Variants in ALG1 observed in about 807,000 individuals in gnomAD.
ALG1 encodes chitobiosyldiphosphodolichol beta-mannosyltransferase.
Under a neutral mutation model 55.1 loss-of-function variants are expected in ALG1, and 58 were observed. The ratio of observed to expected loss-of-function variants is 1.05; its 90% confidence interval spans 0.85 to 1.31. The LOEUF (loss-of-function observed/expected upper bound fraction) is 1.31, where lower values mean the gene tolerates loss of function less well. ALG1 is among the 50% of genes most tolerant of loss of function. The pLI is 0.00. For missense variants in ALG1, 761 were observed against 598.6 expected (o/e 1.27, Z -2.83); for synonymous variants, 309 against 247.0 (o/e 1.25, Z -2.35).
At chr16:5,077,712 G>C (rs1318754268) in intron 5 of ALG1, among the ~76,000 whole-genome samples, 178 bp downstream of exon 5, 4 of 152,190 alleles carry the variant, frequency 2.6e-5, no homozygotes, top group African/African-American at 9.7e-5. Flanking sequence ...TTCTTTCTTA[G>C]CCAGCCAGGG....
At chr16:5,074,054 C>G (rs968690695) in intron 3 of ALG1, among the ~76,000 whole-genome samples, 1 of 152,006 alleles carries the variant, frequency 6.6e-6, no homozygotes, top group Admixed American at 6.6e-5. Flanking sequence ...ATCACTTTTT[C>G]TTTAAAAAAT....
chr16:5,082,096 C>A lies in ALG1; in HGVS notation c.1073-463C>A, dbSNP rs538778991. On this transcript the variant is annotated intron_variant, in intron 10 of 12. Coordinates refer to ENST00000262374, the MANE Select transcript of ALG1 (RefSeq NM_019109.5). The stretch of plus-strand genomic sequence containing the variant: ...TAGCTGTGACTACAGGCGCCTGCCA[C>A]GATGCTTGGCTAATTTTGTATTTTT... Among the ~76,000 whole-genome samples, 354 of 152,002 alleles carry A rather than the reference C, an allele frequency of 2.3e-3. 1 individual carries two copies. The highest frequency in any genetic ancestry group is 4.4e-3 in the Non-Finnish European group (298 of 68,008).
chr16:5,082,569 C>T lies in ALG1; in HGVS notation c.1083C>T (p.Asp361=). ...CCTCTTGCCTAGCAGGGTCGGCGGA[C>T]CTGGGTGTCTGTCTGCACACGTCCT... is the stretch of plus-strand genomic sequence containing the variant. The part of the protein sequence containing the change: ...EDYPLLLGSA[D]LGVCLHTSSS... The change falls in exon 11 of 13, where the codon GAC becomes GAT. Residue 361 remains aspartate (D), a synonymous_variant. Coordinates refer to ENST00000262374, the MANE Select transcript of ALG1 (RefSeq NM_019109.5). 1.9e-6 allele frequency: 3 copies of T among 1,612,008 alleles called. No individual in the cohort carries two copies. Among genetic ancestry groups the T allele is most frequent in the Non-Finnish European group, 2.5e-6 (3 of 1,179,858 alleles).
intron 1 of ALG1, among the ~76,000 whole-genome samples, chr16:5,072,655 T>G (rs1346159279): frequency 6.6e-6 from 1 of 152,174 alleles, no homozygotes; most frequent in Non-Finnish European, 1.5e-5. Flanking sequence ...GATGGCTCTG[T>G]GGTGGGAAAA....
At chr16:5,077,354 G>A (rs1369266896) in intron 4 of ALG1, 91 bp from the exon 5 acceptor site, 12 of 1,136,122 alleles carry the variant, frequency 1.1e-5, no homozygotes, top group Non-Finnish European at 1.3e-5. Flanking sequence ...CCAGCTCTGC[G>A]GCCTTTTCTC....
In ALG1 at chr16:5,087,085, A is replaced by C. The variant is rs1358428979; in HGVS notation, c.*2204A>C. The C allele has an allele frequency of 6.6e-6, 1 of 152,220 alleles. No individual in the cohort carries two copies. Among genetic ancestry groups the C allele is most frequent in the East Asian group, 1.9e-4 (1 of 5,200 alleles). 9.4% of individuals were successfully genotyped at this position (152,220 alleles called of 1,614,324 possible). A position where few individuals can be genotyped will look rare whatever the true frequency, so the allele number is the denominator to read the frequency against. ...AGAAATCTCTATAATCCTGCCATCC[A>C]AGGATGGCACCTGTTAATGTGTATA... On this transcript the variant is annotated 3_prime_UTR_variant, in exon 13 of 13. Transcript: ENST00000262374.
Position 5,085,032 on chromosome 16 carries a change from C to G in ALG1, c.*151C>G. On this transcript the variant is annotated 3_prime_UTR_variant, in exon 13 of 13. Coordinates refer to ENST00000262374, the MANE Select transcript of ALG1 (RefSeq NM_019109.5). Reference sequence around the variant, plus strand: ...GTACTGCCTGGTAAAAGAATTGGTTCTGTGACCCGGGAAGCTTTGGTTGGC... The same window carrying G: ...GTACTGCCTGGTAAAAGAATTGGTTGTGTGACCCGGGAAGCTTTGGTTGGC... 2 of 1,425,322 alleles carry G rather than the reference C, an allele frequency of 1.4e-6. No individual in the cohort carries two copies. Among genetic ancestry groups the G allele is most frequent in the Non-Finnish European group, 9.6e-7 (1 of 1,042,060 alleles). The allele number at this position is 1,425,322 out of a possible 1,614,324, so 88.3% of individuals were successfully genotyped here.
Position 5,077,862 on chromosome 16 carries a change from C to G in ALG1, c.630-45C>G, listed in dbSNP as rs1349707066. ...GCCTCTGAGTCCTCTGTTCCTGAGG[C>G]CTTTCTTCAGCCCTCCCAATAGCCC... On this transcript the variant is annotated intron_variant, in intron 5 of 12. Transcript: ENST00000262374. 52 of 1,566,960 alleles carry G rather than the reference C, an allele frequency of 3.3e-5. 1 individual carries two copies. The highest frequency in any genetic ancestry group is 4.3e-5 in the Non-Finnish European group (49 of 1,145,908).
At chr16:5,077,410 C>A (rs1231857566) in intron 4 of ALG1, 35 bp from the exon 5 acceptor site, 4 of 1,579,362 alleles carry the variant, frequency 2.5e-6, no homozygotes, top group Admixed American at 1.7e-5. Context: ...GGAGGCCTGT[C>A]TAGGGCTCTG....
intron 4 of ALG1, 70 bp from the exon 5 acceptor site, chr16:5,077,375 T>C: frequency 1.5e-6 from 2 of 1,325,704 alleles, no homozygotes; most frequent in Non-Finnish European, 2.2e-6. Flanking sequence ...TGTTGAGGGA[T>C]GTCGAGTCAC....
intron 10 of ALG1, among the ~76,000 whole-genome samples, chr16:5,081,402 G>A (rs1318182081): frequency 2.0e-5 from 3 of 152,212 alleles, no homozygotes; most frequent in Admixed American, 6.5e-5. Context: ...GTCAAACAGC[G>A]TCGCCTCTCC....
At chr16:5,072,504 C>A (rs910392222) in intron 1 of ALG1, among the ~76,000 whole-genome samples, 3 of 152,174 alleles carry the variant, frequency 2.0e-5, no homozygotes, top group Non-Finnish European at 4.4e-5. Context: ...GGTGTCTGCT[C>A]CCTCATTATT....
chr16:5,085,046 G>C lies in ALG1; in HGVS notation c.*165G>C, dbSNP rs910823463. On this transcript the variant is annotated 3_prime_UTR_variant, in exon 13 of 13. Coordinates refer to ENST00000262374, the MANE Select transcript of ALG1 (RefSeq NM_019109.5). ...AAGAATTGGTTCTGTGACCCGGGAA[G>C]CTTTGGTTGGCCTTGATTTCTTCTC... 3 of 1,310,286 alleles carry C rather than the reference G, an allele frequency of 2.3e-6. No homozygotes were observed. The African/African-American group carries it at 4.4e-5, about 19-fold the overall frequency. The allele number at this position is 1,310,286 out of a possible 1,614,324, so 81.2% of individuals were successfully genotyped here.
chr16:5,076,044 T>C (rs907105073), intron 4 of ALG1, among the ~76,000 whole-genome samples: 1 of 152,186 alleles, frequency 6.6e-6, no homozygotes, highest in Admixed American at 6.5e-5. Context: ...CCAGGGCTGC[T>C]GTTGGTAGCT....
At chr16:5,078,416 T>C in intron 6 of ALG1, 1 of 592,128 alleles carries the variant, frequency 1.7e-6, no homozygotes, top group Non-Finnish European at 3.1e-6. Flanking sequence ...GAGGGGACCT[T>C]TGTGCAGGTC....
intron 10 of ALG1, among the ~76,000 whole-genome samples, chr16:5,082,351 GT>G (rs1957030350): frequency 6.6e-6 from 1 of 152,310 alleles, no homozygotes; most frequent in Non-Finnish European, 1.5e-5. Flanking sequence ...CCAAATTGTG[GT>G]TACGTATAAA....
chr16:5,084,036 G>A (rs1366285115), intron 12 of ALG1, among the ~76,000 whole-genome samples: 1 of 152,240 alleles, frequency 6.6e-6, no homozygotes, highest in South Asian at 2.1e-4. Context: ...GGCTGCGGTT[G>A]AGGAAGTGAT....
chr16:5,076,596 T>C (rs571715672), intron 4 of ALG1, among the ~76,000 whole-genome samples: 29 of 152,268 alleles, frequency 1.9e-4, no homozygotes, highest in African/African-American at 5.8e-4. Context: ...CTGGCGGTGA[T>C]AAATAACCCA....
chr16:5,075,395 C>A lies in ALG1; in HGVS notation c.398C>A (p.Pro133Gln). The change falls in exon 4 of 13, where the codon CCA becomes CAA. Residue 133 changes from proline to glutamine, a missense_variant. Physicochemically the swap from Pro to Gln is moderately conservative, Grantham distance 76. Transcript: ENST00000262374. ...PGAYIFLQNPPGLPSIAVCWF... is the reference protein window; with the variant it reads ...PGAYIFLQNPQGLPSIAVCWF... ...AGTCTCTATCTTTCCTAGAACCCCC[C>A]AGGTCTGCCTAGCATTGCTGTCTGC... 6.2e-7 allele frequency: 1 copy of A among 1,614,144 alleles called. No individual in the cohort carries two copies. Among genetic ancestry groups the A allele is most frequent in the Non-Finnish European group, 8.5e-7 (1 of 1,180,014 alleles).
Sources: gnomAD v4.1 joint callset for allele counts (sites outside exome capture counted in the v4.1 genomes callset) on GRCh38, gnomAD v4.1.1 for gene constraint, MANE v1.5 for transcripts, NCBI Gene and HGNC (gene_info 2026-07-23, HGNC 2026-07-21) for gene names.